Variants in SAMD8 observed in about 807,000 individuals in gnomAD.
SAMD8 encodes sterile alpha motif domain containing 8, also known as sphingomyelin synthase-related protein 1.
Under a neutral mutation model 42.0 loss-of-function variants are expected in SAMD8, and 20 were observed. That is an observed-to-expected ratio of 0.48 (90% CI 0.34 to 0.69). SAMD8 has a LOEUF of 0.69. Among genes scored for constraint, SAMD8 ranks in the 30% least tolerant of loss-of-function variants. The probability of loss-of-function intolerance (pLI) is 0.01; values close to 1 mark genes in which losing one functional copy is unlikely to be tolerated. For synonymous variants in SAMD8, 162 were observed against 173.0 expected (o/e 0.94, Z 0.50); for missense variants, 328 against 511.6 (o/e 0.64, Z 3.46).
At chr10:75,160,111 C>G (rs1407752504) in intron 2 of SAMD8, among the ~76,000 whole-genome samples, 1 of 152,138 alleles carries the variant, frequency 6.6e-6, no homozygotes, top group East Asian at 1.9e-4. Context: ...CTTAACTGCC[C>G]TTCATTTCTC....
At chr10:75,141,643 G>A (rs901991365) in intron 1 of SAMD8, among the ~76,000 whole-genome samples, 4 of 150,130 alleles carry the variant, frequency 2.7e-5, no homozygotes, top group African/African-American at 9.8e-5. Flanking sequence ...CCGGGTTCAC[G>A]CCATTCTCCT....
chr10:75,112,153 G>C (rs1217931632), intron 1 of SAMD8, among the ~76,000 whole-genome samples: 1 of 152,162 alleles, frequency 6.6e-6, no homozygotes, highest in Non-Finnish European at 1.5e-5. Context: ...GAGGGAGGGC[G>C]ATCGGGGCTG....
upstream of SAMD8, among the ~76,000 whole-genome samples, chr10:75,111,112 C>T (rs1438970295): frequency 1.3e-5 from 2 of 152,208 alleles, no homozygotes; most frequent in African/African-American, 2.4e-5. Context: ...CGCTCCCGGC[C>T]TTAGCACAAG....
chr10:75,151,175 A>T, intron 2 of SAMD8, 69 bp downstream of exon 2: 2 of 763,460 alleles, frequency 2.6e-6, no homozygotes, highest in African/African-American at 1.8e-5. Flanking sequence ...TACTATATTT[A>T]TGATAATTAT....
chr10:75,103,799 C>T (rs1310037258), intron 1 of SAMD8: 5 of 1,001,808 alleles, frequency 5.0e-6, no homozygotes, highest in East Asian at 6.2e-5. Context: ...TCTGGAACCC[C>T]CTTCCTCTCT....
rs570339582 is a variant in SAMD8, at chr10:75,124,760, G to A, written c.-16+13038G>A. On this transcript the variant is annotated intron_variant, in intron 1 of 5. Coordinates refer to ENST00000542569, the MANE Select transcript of SAMD8 (RefSeq NM_001174156.2). ...CATGTCTGTCATTATATTCCATCCT[G>A]TCTCACAATCTGTTTTACACTCTTA... is the stretch of plus-strand genomic sequence containing the variant. 3.3e-5 allele frequency among the ~76,000 whole-genome samples: 5 copies of A among 150,804 alleles called. No homozygotes were observed. The South Asian group carries it at 8.4e-4, about 25-fold the overall frequency.
intron 1 of SAMD8, among the ~76,000 whole-genome samples, chr10:75,136,626 A>G (rs575161644): frequency 3.3e-5 from 5 of 152,312 alleles, no homozygotes; most frequent in African/African-American, 9.6e-5. Context: ...TTCTACTACA[A>G]TATTTAAATT....
chr10:75,125,801 A>G (rs1849118479), intron 1 of SAMD8: 1 of 152,248 alleles, frequency 6.6e-6, no homozygotes, highest in African/African-American at 2.4e-5. Context: ...TAAAGCCTGC[A>G]AGGACCAAAC....
chr10:75,111,718 C>T lies in SAMD8; in HGVS notation c.-20C>T. The T allele has an allele frequency of 8.1e-7, 1 of 1,234,018 alleles. No homozygotes were observed. The highest frequency in any genetic ancestry group is 1.0e-6 in the Non-Finnish European group (1 of 988,894). 76.4% of individuals were successfully genotyped at this position (1,234,018 alleles called of 1,614,324 possible). On this transcript the variant is annotated 5_prime_UTR_variant, in exon 1 of 6. Coordinates refer to ENST00000542569, the MANE Select transcript of SAMD8 (RefSeq NM_001174156.2). ...GGTCCGGGGAGCCCGACTCGGACCG[C>T]GGAGGTGAGCGGGAGCTGAGGCTGA...
intron 1 of SAMD8, among the ~76,000 whole-genome samples, chr10:75,117,483 G>A (rs1172455828): frequency 1.3e-5 from 2 of 152,004 alleles, no homozygotes; most frequent in Non-Finnish European, 2.9e-5. Flanking sequence ...GGGAGGCCAA[G>A]GTGGGTGGCT....
chr10:75,152,051 C>CTTTTTTTT (rs200268216), intron 2 of SAMD8, among the ~76,000 whole-genome samples: 1 of 127,296 alleles, frequency 7.9e-6, no homozygotes, highest in African/African-American at 2.9e-5. Flanking sequence ...ACTTGGCTGC[C>CTTTTTTTT]TTTTTTTATT....
chr10:75,151,623 A>G (rs1398769508), intron 2 of SAMD8, among the ~76,000 whole-genome samples: 2 of 152,128 alleles, frequency 1.3e-5, no homozygotes, highest in African/African-American at 4.8e-5. Context: ...AAGTGTTGGG[A>G]TTACAGGCAT....
At chr10:75,116,587 T>G (rs1848886439) in intron 1 of SAMD8, among the ~76,000 whole-genome samples, 2 of 152,188 alleles carry the variant, frequency 1.3e-5, no homozygotes, top group African/African-American at 2.4e-5. Context: ...TGTCACTGAG[T>G]TTTTGGAAAT....
At chr10:75,143,582 T>A (rs1305089628) in intron 1 of SAMD8, among the ~76,000 whole-genome samples, 1 of 152,072 alleles carries the variant, frequency 6.6e-6, no homozygotes, top group Non-Finnish European at 1.5e-5. Context: ...CAGTACTTTA[T>A]GTTGTTTCAC....
Position 75,168,564 on chromosome 10 carries a change from G to C in SAMD8, c.698G>C (p.Cys233Ser). The change falls in exon 4 of 6, where the codon TGT (cysteine) becomes TCT (serine). Residue 233 changes from cysteine (C) to serine (S), a missense_variant. Around this residue, in one of 2 missense-constraint regions of SAMD8, gnomAD observed 178 missense variants for 325.6 expected, o/e 0.55. Coordinates refer to ENST00000542569, the MANE Select transcript of SAMD8 (RefSeq NM_001174156.2). ...KHRSILLRRL[C>S]SLMGTVFLLR... ...AGGTCAATACTTCTGCGAAGGCTCT[G>C]TAGTCTGATGGGAACTGTATTCTTG... The C allele has an allele frequency of 6.2e-7, 1 of 1,613,842 alleles. No homozygotes were observed. Among genetic ancestry groups the C allele is most frequent in the Non-Finnish European group, 8.5e-7 (1 of 1,179,818 alleles).
intron 4 of SAMD8, among the ~76,000 whole-genome samples, chr10:75,169,716 C>T (rs920200851): frequency 2.6e-5 from 4 of 152,018 alleles, no homozygotes; most frequent in Non-Finnish European, 1.5e-5. Context: ...GAGTTAAAGA[C>T]CCAGCGTGGC....
chr10:75,161,932 G>T (rs1485671376), intron 2 of SAMD8, among the ~76,000 whole-genome samples: 7 of 152,126 alleles, frequency 4.6e-5, no homozygotes, highest in African/African-American at 1.7e-4. Flanking sequence ...AGCTACTCGG[G>T]AGGCTGAGAC....
intron 1 of SAMD8, among the ~76,000 whole-genome samples, chr10:75,117,430 A>C (rs1482466786): frequency 2.0e-5 from 3 of 151,028 alleles, no homozygotes; most frequent in Non-Finnish European, 3.0e-5. Context: ...TAAAAAAAAA[A>C]AAGGGTGGGC....
intron 1 of SAMD8, among the ~76,000 whole-genome samples, chr10:75,124,921 A>G (rs1294046901): frequency 6.6e-6 from 1 of 151,658 alleles, no homozygotes; most frequent in Non-Finnish European, 1.5e-5. Context: ...ATGCCAGCAC[A>G]GCCAGCTAAT....
Sources: gnomAD v4.1 joint callset for allele counts (sites outside exome capture counted in the v4.1 genomes callset) on GRCh38, gnomAD v4.1.1 for gene constraint, gnomAD v4.1.1 regional missense constraint, MANE v1.5 for transcripts, NCBI Gene and HGNC (gene_info 2026-07-23, HGNC 2026-07-21) for gene names.